The following SLIT1 variants were observed in gnomAD, a reference collection of about 807,000 sequenced individuals.
The protein encoded by SLIT1 is slit homolog 1 protein.
SLIT1 carries 66 observed loss-of-function variants against 186.1 expected under a neutral mutation model. The ratio of observed to expected loss-of-function variants is 0.35; its 90% CI spans 0.29 to 0.44. SLIT1 has a LOEUF of 0.44. Among genes scored for constraint, SLIT1 ranks in the 20% least tolerant of loss-of-function variants. SLIT1 has a pLI of 1.00. For missense variants in SLIT1, 1,638 were observed against 2,037.4 expected (o/e 0.80, Z 3.77); for synonymous variants, 761 against 833.8 (o/e 0.91, Z 1.50).
In SLIT1 at chr10:97,002,758, C is replaced by T. The variant is rs1227700864; in HGVS notation, c.4100G>A (p.Gly1367Asp). ...CTGGTCACAGTGCAGGCCCACCCAG[C>T]CAGCCTCGCAGTGGCACATGGGCCC... ...TPGPMCHCEA[G>D]WVGLHCDQPA... Residue 1367 changes from glycine to aspartate, a missense_variant, in exon 35 of 37, where the codon GGC becomes GAC. Around this residue, in one of 3 missense-constraint regions of SLIT1, gnomAD observed 173 missense variants for 290.9 expected, o/e 0.59. Coordinates refer to ENST00000266058, the MANE Select transcript of SLIT1 (RefSeq NM_003061.3). 3.1e-6 allele frequency: 5 copies of T among 1,610,210 alleles called. No homozygotes were observed. Among genetic ancestry groups the T allele is most frequent in the Non-Finnish European group, 4.2e-6 (5 of 1,177,624 alleles).
At chr10:97,167,366 G>A (rs1307281332) in intron 1 of SLIT1, among the ~76,000 whole-genome samples, 3 of 152,162 alleles carry the variant, frequency 2.0e-5, no homozygotes, top group South Asian at 4.1e-4. Context: ...AAGCAGGGCT[G>A]GTTTTCTTTG....
chr10:97,052,100 G>GT (rs528389263), intron 13 of SLIT1, among the ~76,000 whole-genome samples: 8,260 of 88,934 alleles, frequency 0.093, 354 homozygotes, highest in East Asian at 0.23. Flanking sequence ...GTTTTTTTTT[G>GT]TTTGTTTTTT....
Position 97,021,213 on chromosome 10 carries a change from A to G in SLIT1, c.2746+37T>C, listed in dbSNP as rs1398402397. The G allele has an allele frequency of 6.3e-7, 1 of 1,596,476 alleles. No individual in the cohort carries two copies. Among genetic ancestry groups the G allele is most frequent in the South Asian group, 1.1e-5 (1 of 87,564 alleles). ...CCTGCAGTGTTGGGCAAGTTCTGTG[A>G]GCCCCCAGCAGCAGGAGGCTGTGCT... On this transcript the variant is annotated intron_variant, in intron 26 of 36. Transcript: ENST00000266058. This position sits in a 1 kb window ranked among gnomAD's most constrained non-coding sequence, Gnocchi z 4.5.
chr10:97,032,996 C>T (rs984463429), intron 23 of SLIT1, among the ~76,000 whole-genome samples: 5 of 151,874 alleles, frequency 3.3e-5, no homozygotes, highest in African/African-American at 1.2e-4. Context: ...GGTCTCGGAG[C>T]TGGGAGAGGC....
chr10:97,106,330 G>A (rs971484235), intron 4 of SLIT1, among the ~76,000 whole-genome samples: 6 of 152,192 alleles, frequency 3.9e-5, no homozygotes, highest in Admixed American at 6.5e-5. Context: ...AATGAAGAAC[G>A]GGAAAATCAG....
intron 4 of SLIT1, among the ~76,000 whole-genome samples, chr10:97,108,882 G>A (rs781649384): frequency 1.1e-3 from 92 of 87,060 alleles, no homozygotes; most frequent in Middle Eastern, 0.013. Context: ...GTGAGTCTCA[G>A]TCTCAAAAAA....
rs1850379565 is a variant in SLIT1 at position 97,184,105 on chromosome 10, A to G, written c.197+1373T>C. 6.6e-6 allele frequency among the ~76,000 whole-genome samples: 1 copy of G among 150,866 alleles called. No homozygotes were observed. The highest frequency in any genetic ancestry group is 1.5e-5 in the Non-Finnish European group (1 of 67,760). ...AGATTGCAAATTCTCTAAAACCTCC[A>G]CGGGAATTTTTCAGATGCAGCCAAG... is the stretch of plus-strand genomic sequence containing the variant. On this transcript the variant is annotated intron_variant, in intron 1 of 36. Transcript: ENST00000266058. The surrounding 1 kb of genome is among the most constrained non-coding windows in gnomAD (Gnocchi z 4.4).
chr10:97,055,360 C>T (rs986250260), intron 13 of SLIT1, among the ~76,000 whole-genome samples: 1 of 152,122 alleles, frequency 6.6e-6, no homozygotes, highest in Admixed American at 6.5e-5. Flanking sequence ...GTTCACCATA[C>T]ATAGCACTCT....
At chr10:97,059,951 G>A in intron 10 of SLIT1, 136 bp downstream of exon 10, 1 of 766,442 alleles carries the variant, frequency 1.3e-6, no homozygotes, top group East Asian at 2.5e-5. Flanking sequence ...AGCCTGAAGG[G>A]CAGGAAGGTC....
intron 23 of SLIT1, among the ~76,000 whole-genome samples, chr10:97,032,895 C>T (rs1007638411): frequency 2.0e-5 from 3 of 152,064 alleles, no homozygotes; most frequent in African/African-American, 7.2e-5. Flanking sequence ...GGCGCAGAAG[C>T]CAAGCAAAAA....
intron 4 of SLIT1, among the ~76,000 whole-genome samples, chr10:97,099,450 G>GT (rs1849327790): frequency 1.3e-5 from 2 of 152,116 alleles, no homozygotes; most frequent in Non-Finnish European, 2.9e-5. Context: ...AAGACTCCAG[G>GT]TTGGGGGGGT....
chr10:97,097,312 G>A (rs529506693), intron 4 of SLIT1, among the ~76,000 whole-genome samples: 1 of 152,356 alleles, frequency 6.6e-6, no homozygotes, highest in African/African-American at 2.4e-5. Flanking sequence ...CAAGGTCAGA[G>A]TTCATGGGAA....
chr10:97,061,257 A>T (rs1198123936), intron 8 of SLIT1, among the ~76,000 whole-genome samples: 3 of 152,264 alleles, frequency 2.0e-5, no homozygotes, highest in East Asian at 3.8e-4. Flanking sequence ...TCTACAGCTG[A>T]GAAAACAGAG....
intron 1 of SLIT1, among the ~76,000 whole-genome samples, chr10:97,179,291 A>G (rs1328060025): frequency 6.6e-6 from 1 of 152,212 alleles, no homozygotes; most frequent in Non-Finnish European, 1.5e-5. Context: ...AACCATGGAC[A>G]GTTATCAAAA....
At chr10:97,032,800 A>C (rs1848603839) in intron 23 of SLIT1, among the ~76,000 whole-genome samples, 1 of 152,210 alleles carries the variant, frequency 6.6e-6, no homozygotes, top group African/African-American at 2.4e-5. Flanking sequence ...CCATGCCTGT[A>C]CAGTGGAACA....
At chr10:97,077,220 TC>T (rs1234979581) in intron 4 of SLIT1, among the ~76,000 whole-genome samples, 2 of 152,028 alleles carry the variant, frequency 1.3e-5, no homozygotes, top group Non-Finnish European at 2.9e-5. Context: ...TGAGCTATGA[TC>T]ATGACACTGC....
intron 3 of SLIT1, among the ~76,000 whole-genome samples, chr10:97,161,302 C>T (rs1439395396): frequency 6.6e-6 from 1 of 152,158 alleles, no homozygotes; most frequent in East Asian, 1.9e-4. Flanking sequence ...TATTCTAAGT[C>T]TTTTAAAGAA....
intron 28 of SLIT1, 130 bp from the exon 29 acceptor site, chr10:97,014,288 G>A: frequency 9.5e-7 from 1 of 1,057,228 alleles, no homozygotes; most frequent in Non-Finnish European, 1.4e-6. Context: ...GCCAGGTGCT[G>A]GGTAGGGTTA....
At chr10:97,073,423 T>C (rs1007532162) in intron 4 of SLIT1, among the ~76,000 whole-genome samples, 1 of 152,186 alleles carries the variant, frequency 6.6e-6, no homozygotes, top group Admixed American at 6.5e-5. Flanking sequence ...GGGCGGGATC[T>C]GCGACTGGAA....
Sources: gnomAD v4.1 joint callset for allele counts (sites outside exome capture counted in the v4.1 genomes callset) on GRCh38, gnomAD v4.1.1 for gene constraint, gnomAD v4.1.1 regional missense constraint, Gnocchi (gnomAD v3.1) non-coding constraint, MANE v1.5 for transcripts, NCBI Gene and HGNC (gene_info 2026-07-23, HGNC 2026-07-21) for gene names.